The following LAMA2 variants were observed in gnomAD, a reference collection of about 807,000 sequenced individuals.
LAMA2 encodes the protein laminin subunit alpha-2.
Under a neutral mutation model 364.8 loss-of-function variants are expected in LAMA2, and 269 were observed. The observed-to-expected ratio is 0.74, with a 90% CI of 0.67 to 0.82. The LOEUF is 0.82. Ranked by LOEUF, LAMA2 falls within the 40% of genes least tolerant of loss-of-function variation. LAMA2 has a pLI of 0.00. For synonymous variants in LAMA2, 1,379 were observed against 1,370.6 expected (o/e 1.01, Z -0.14); for missense variants, 3,807 against 3,873.2 (o/e 0.98, Z 0.45).
chr6:129,213,759 G>A (rs76492726), intron 12 of LAMA2, among the ~76,000 whole-genome samples: 7,488 of 152,050 alleles, frequency 0.049, 271 homozygotes, highest in Non-Finnish European at 0.069. Context: ...GTATGTTTTG[G>A]ACCATATCAG....
intron 39 of LAMA2, among the ~76,000 whole-genome samples, chr6:129,403,099 A>G (rs1247214287): frequency 2.0e-5 from 3 of 152,190 alleles, no homozygotes; most frequent in Admixed American, 6.5e-5. Context: ...TTTTCCTACA[A>G]TTTTGGGATT....
intron 4 of LAMA2, among the ~76,000 whole-genome samples, chr6:129,119,164 T>C (rs774436671): frequency 2.6e-5 from 4 of 152,220 alleles, no homozygotes; most frequent in African/African-American, 7.2e-5. Flanking sequence ...AAATGTGTTC[T>C]TGTTATATTA....
intron 1 of LAMA2, among the ~76,000 whole-genome samples, chr6:128,932,000 C>T (rs936113538): frequency 2.0e-5 from 3 of 152,074 alleles, no homozygotes; most frequent in Admixed American, 6.6e-5. Context: ...GTATCAAAGT[C>T]CATAAATATT....
chr6:129,492,203 T>TA, intron 57 of LAMA2, 112 bp from the exon 58 acceptor site: 1 of 1,425,850 alleles, frequency 7.0e-7, no homozygotes, highest in Non-Finnish European at 9.9e-7. Context: ...ATCTTCAACT[T>TA]AGACTGAGAA....
At chr6:129,377,364 T>G (rs1583607569) in intron 34 of LAMA2, among the ~76,000 whole-genome samples, 1 of 152,156 alleles carries the variant, frequency 6.6e-6, no homozygotes, top group Non-Finnish European at 1.5e-5. Flanking sequence ...AACAGTGTTT[T>G]TTATTTCTCC....
intron 12 of LAMA2, among the ~76,000 whole-genome samples, chr6:129,224,459 TC>T (rs1238446190): frequency 6.6e-6 from 1 of 152,156 alleles, no homozygotes; most frequent in African/African-American, 2.4e-5. Flanking sequence ...TTTTGCCCAT[TC>T]AGTATGATAT....
At chr6:129,346,499 A>G (rs998957774) in intron 30 of LAMA2, among the ~76,000 whole-genome samples, 3 of 152,074 alleles carry the variant, frequency 2.0e-5, no homozygotes, top group African/African-American at 7.3e-5. Flanking sequence ...TTTACTAAGC[A>G]TATACTTCAT....
chr6:128,945,863 C>T (rs1446142053), intron 1 of LAMA2, among the ~76,000 whole-genome samples: 8 of 152,180 alleles, frequency 5.3e-5, no homozygotes, highest in Admixed American at 3.9e-4. Context: ...AGATATAATT[C>T]GGATATAACT....
intron 1 of LAMA2, among the ~76,000 whole-genome samples, chr6:128,955,809 G>T (rs1050831848): frequency 3.4e-4 from 52 of 152,014 alleles, no homozygotes; most frequent in African/African-American, 1.2e-3. Context: ...ATTGCATTGA[G>T]CTATTAATCA....
At chr6:128,883,488 A>T in intron 1 of LAMA2, 131 bp downstream of exon 1, 1 of 1,453,562 alleles carries the variant, frequency 6.9e-7, no homozygotes, top group Non-Finnish European at 9.3e-7. Flanking sequence ...GCTCTGGGGC[A>T]AGAGGAACTT....
At chr6:129,172,625 T>G (rs1250966380) in intron 9 of LAMA2, among the ~76,000 whole-genome samples, 1 of 152,212 alleles carries the variant, frequency 6.6e-6, no homozygotes, top group Admixed American at 6.5e-5. Context: ...GCTGTCTTTT[T>G]GTTTGTCTGT....
intron 1 of LAMA2, among the ~76,000 whole-genome samples, chr6:128,925,678 C>T (rs1562836860): frequency 6.6e-6 from 1 of 152,126 alleles, no homozygotes; most frequent in Non-Finnish European, 1.5e-5. Flanking sequence ...GTGTATTTTA[C>T]AATACTTTAA....
At chr6:129,503,489 C>G (rs534057792) in intron 60 of LAMA2, among the ~76,000 whole-genome samples, 4 of 152,330 alleles carry the variant, frequency 2.6e-5, no homozygotes, top group East Asian at 1.9e-4. Context: ...CATGCCTCAT[C>G]ATGGTTCCAT....
At chr6:129,110,766 T>C (rs982622860) in intron 4 of LAMA2, among the ~76,000 whole-genome samples, 1 of 151,992 alleles carries the variant, frequency 6.6e-6, no homozygotes, top group Non-Finnish European at 1.5e-5. Context: ...TTATAATCAT[T>C]CCACTTCATA....
At chr6:129,264,924 G>A (rs1787401298) in intron 15 of LAMA2, among the ~76,000 whole-genome samples, 2 of 152,130 alleles carry the variant, frequency 1.3e-5, no homozygotes, top group Admixed American at 1.3e-4. Context: ...CTTGTTAAGA[G>A]TAGTGTTACT....
chr6:129,384,664 G>T (rs1335287310), intron 35 of LAMA2, among the ~76,000 whole-genome samples: 1 of 152,074 alleles, frequency 6.6e-6, no homozygotes, highest in Non-Finnish European at 1.5e-5. Flanking sequence ...TGTACAATTT[G>T]TGGACCAACA....
intron 44 of LAMA2, 24 bp downstream of exon 44, chr6:129,443,092 C>G (rs116581101): frequency 1.9e-6 from 3 of 1,569,328 alleles, no homozygotes; most frequent in Non-Finnish European, 2.6e-6. Context: ...TACTTATATA[C>G]CTTTTAGTAA....
intron 1 of LAMA2, among the ~76,000 whole-genome samples, chr6:128,982,152 CAT>C (rs1440195311): frequency 6.6e-6 from 1 of 152,164 alleles, no homozygotes; most frequent in African/African-American, 2.4e-5. Flanking sequence ...ATTCCTAACT[CAT>C]AGAAATAACT....
At chr6:129,164,924 T>A (rs1243027500) in intron 8 of LAMA2, among the ~76,000 whole-genome samples, 1 of 152,228 alleles carries the variant, frequency 6.6e-6, no homozygotes, top group East Asian at 1.9e-4. Context: ...AATTTATATG[T>A]GTATATAAAA....
Sources: allele counts gnomAD v4.1 joint callset (sites outside exome capture counted in the v4.1 genomes callset), GRCh38; gene constraint gnomAD v4.1.1; transcripts MANE v1.5; gene names NCBI Gene and HGNC (gene_info 2026-07-23, HGNC 2026-07-21).